Variants in GNA14 observed in about 807,000 individuals in gnomAD.
GNA14 encodes G protein subunit alpha 14.
GNA14 carries 50 observed loss-of-function variants against 42.0 expected under a neutral mutation model. The ratio of observed to expected loss-of-function variants is 1.19; its 90% CI spans 0.95 to 1.51. The LOEUF is 1.51. Ranked by LOEUF, GNA14 falls within the 40% of genes most tolerant of loss-of-function variation. The pLI is 0.00. For missense variants in GNA14, 473 were observed against 446.2 expected, an observed-to-expected ratio of 1.06 and a Z score of -0.54; for synonymous variants, 173 against 163.1, an observed-to-expected ratio of 1.06 and a Z score of -0.46.
At chr9:77,511,516 C>G (rs985474142) in intron 2 of GNA14, among the ~76,000 whole-genome samples, 3 of 152,192 alleles carry the variant, frequency 2.0e-5, no homozygotes, top group African/African-American at 7.2e-5. Context: ...TACGCATCCC[C>G]CTTTTTCCTC....
At chr9:77,634,798 A>G (rs970610442) in intron 1 of GNA14, among the ~76,000 whole-genome samples, 11 of 152,194 alleles carry the variant, frequency 7.2e-5, no homozygotes, top group African/African-American at 2.4e-4. Flanking sequence ...AACCACTATA[A>G]AGAGAGAGAC....
intron 2 of GNA14, among the ~76,000 whole-genome samples, chr9:77,467,541 C>T (rs900487066): frequency 1.3e-5 from 2 of 150,522 alleles, no homozygotes; most frequent in African/African-American, 4.9e-5. Context: ...CCAGCCCCCA[C>T]CCCTTAATTG....
chr9:77,428,930 C>A lies in GNA14; in HGVS notation c.700G>T (p.Val234Phe), dbSNP rs576471124. 5 of 1,613,802 alleles carry A rather than the reference C, an allele frequency of 3.1e-6. No individual in the cohort carries two copies. The highest frequency in any genetic ancestry group is 4.2e-6 in the Non-Finnish European group (5 of 1,179,910). ...ACCTCGTTGTCACACTCAGCCAGGACCTGGTCATATTCACTCAGAGCAACC... is the reference window on the plus strand; with the variant it reads ...ACCTCGTTGTCACACTCAGCCAGGAACTGGTCATATTCACTCAGAGCAACC... ...FLVALSEYDQ[V>F]LAECDNENRM... Residue 234 changes from valine to phenylalanine, a missense_variant, in exon 5 of 7, where the codon GTC (valine) becomes TTC (phenylalanine). Val to Phe is a conservative substitution (Grantham distance 50). Transcript: ENST00000341700.
At chr9:77,542,687 T>C (rs1378522935) in intron 1 of GNA14, among the ~76,000 whole-genome samples, 1 of 152,020 alleles carries the variant, frequency 6.6e-6, no homozygotes, top group Non-Finnish European at 1.5e-5. Flanking sequence ...AGTCTAGGAG[T>C]GCCAGTCCCC....
At chr9:77,531,707 A>C (rs1451853019) in intron 1 of GNA14, among the ~76,000 whole-genome samples, 2 of 152,146 alleles carry the variant, frequency 1.3e-5, no homozygotes, top group African/African-American at 4.8e-5. Flanking sequence ...ACACCCAAAA[A>C]TCTACACTAA....
rs1162700115 is a variant in GNA14 at position 77,647,725 on chromosome 9, T to TC, written c.68dup (p.Gln24ThrfsTer12). 2 of 1,609,866 alleles carry TC rather than the reference T, an allele frequency of 1.2e-6. No individual in the cohort carries two copies. The highest frequency in any genetic ancestry group is 1.7e-6 in the Non-Finnish European group (2 of 1,178,572). On this transcript the variant is annotated frameshift_variant, in exon 1 of 7. Transcript: ENST00000341700. LOFTEE classifies it high-confidence loss of function. ...CGTCCTTCTTGTCCCGACGAAGCTG[T>TC]CGCTCGATCTCCGCGCTGATGCGCT...
At chr9:77,638,705 A>T (rs562341029) in intron 1 of GNA14, among the ~76,000 whole-genome samples, 1 of 152,348 alleles carries the variant, frequency 6.6e-6, no homozygotes, top group African/African-American at 2.4e-5. Context: ...GAATTTAAGT[A>T]AGGTAATAAT....
chr9:77,512,519 A>G (rs1170279621), intron 2 of GNA14, among the ~76,000 whole-genome samples: 2 of 152,202 alleles, frequency 1.3e-5, no homozygotes, highest in African/African-American at 4.8e-5. Flanking sequence ...ATTAACAGGG[A>G]AATTATCTTT....
intron 2 of GNA14, among the ~76,000 whole-genome samples, chr9:77,504,632 T>G (rs1024805704): frequency 4.7e-5 from 7 of 150,164 alleles, no homozygotes; most frequent in African/African-American, 1.7e-4. Flanking sequence ...TGGACTCTGT[T>G]GAGCCATGGT....
In GNA14 at chr9:77,483,561, A is replaced by C. The variant is rs191813345; in HGVS notation, c.309+45508T>G. Among the ~76,000 whole-genome samples the C allele has an allele frequency of 1.7e-3, 259 of 152,278 alleles. 1 individual carries two copies. Among genetic ancestry groups the C allele is most frequent in the East Asian group, 7.7e-4 (4 of 5,174 alleles). On this transcript the variant is annotated intron_variant, in intron 2 of 6. Coordinates refer to ENST00000341700, the MANE Select transcript of GNA14 (RefSeq NM_004297.4). The stretch of plus-strand genomic sequence containing the variant: ...GCAGTCTGCCCGTTCTCAGATCTCC[A>C]GCTGCATGCTGGGAGAACCACTACT...
chr9:77,567,123 C>T (rs1197340896), intron 1 of GNA14, among the ~76,000 whole-genome samples: 1 of 152,082 alleles, frequency 6.6e-6, no homozygotes, highest in Non-Finnish European at 1.5e-5. Flanking sequence ...AGTAGAAATA[C>T]ATTATATATC....
chr9:77,489,573 T>C (rs1218329157), intron 2 of GNA14, among the ~76,000 whole-genome samples: 1 of 152,206 alleles, frequency 6.6e-6, no homozygotes, highest in East Asian at 1.9e-4. Flanking sequence ...GTGGTGAGTG[T>C]TACAGCTCTT....
chr9:77,624,783 CA>C (rs1646473869), intron 1 of GNA14, among the ~76,000 whole-genome samples: 2 of 152,204 alleles, frequency 1.3e-5, no homozygotes, highest in Admixed American at 1.3e-4. Flanking sequence ...TACATAAATT[CA>C]TGAAGATGAG....
At chr9:77,624,987 C>T (rs1300351350) in intron 1 of GNA14, among the ~76,000 whole-genome samples, 1 of 151,662 alleles carries the variant, frequency 6.6e-6, no homozygotes, top group African/African-American at 2.4e-5. Context: ...TAACCCAATG[C>T]AAAGAACCTA....
chr9:77,486,324 A>C (rs1023335730), intron 2 of GNA14, among the ~76,000 whole-genome samples: 2 of 152,204 alleles, frequency 1.3e-5, no homozygotes, highest in African/African-American at 4.8e-5. Flanking sequence ...CTTTCATAGA[A>C]TCGAAGAGAG....
chr9:77,575,706 T>C (rs1479639582), intron 1 of GNA14, among the ~76,000 whole-genome samples: 1 of 152,250 alleles, frequency 6.6e-6, no homozygotes, highest in Non-Finnish European at 1.5e-5. Context: ...TAAATCCATC[T>C]CATCTCCTAC....
chr9:77,582,777 G>A (rs997516027), intron 1 of GNA14, among the ~76,000 whole-genome samples: 2 of 152,054 alleles, frequency 1.3e-5, no homozygotes, highest in African/African-American at 2.4e-5. Flanking sequence ...TGTTGCCTAC[G>A]TATCTGTGCT....
chr9:77,444,908 G>A (rs912495671), intron 2 of GNA14, among the ~76,000 whole-genome samples: 5 of 152,198 alleles, frequency 3.3e-5, no homozygotes, highest in African/African-American at 7.2e-5. Flanking sequence ...AGTGCACAGC[G>A]TCCTGCCCCT....
chr9:77,528,932 C>T, intron 2 of GNA14, 137 bp downstream of exon 2: 1 of 724,988 alleles, frequency 1.4e-6, no homozygotes. Context: ...TCCTTAAACT[C>T]CTCTCAGTGA....
Sources: allele counts gnomAD v4.1 joint callset (sites outside exome capture counted in the v4.1 genomes callset), GRCh38; gene constraint gnomAD v4.1.1; transcripts MANE v1.5; gene names NCBI Gene and HGNC (gene_info 2026-07-23, HGNC 2026-07-21).